The following NOD1 variants were observed in gnomAD, a reference collection of about 807,000 sequenced individuals.
NOD1 encodes nucleotide binding oligomerization domain containing 1, also known as nucleotide-binding oligomerization domain-containing protein 1.
A neutral mutation model predicts 81.2 loss-of-function variants in NOD1; 70 were observed. The observed-to-expected ratio is 0.86, with a 90% CI of 0.71 to 1.05. The LOEUF is 1.05. NOD1 is among the 50% of genes least tolerant of loss of function. The probability of loss-of-function intolerance (pLI) is 0.00; values close to 1 mark genes in which losing one functional copy is unlikely to be tolerated. For missense variants in NOD1, 1,233 were observed against 1,228.0 expected (o/e 1.00, Z -0.06); for synonymous variants, 508 against 526.9 (o/e 0.96, Z 0.49).
intron 13 of NOD1, 59 bp from the exon 14 acceptor site, chr7:30,425,769 T>C (rs1223917714): frequency 8.6e-7 from 1 of 1,161,074 alleles, no homozygotes; most frequent in African/African-American, 1.5e-5. Flanking sequence ...CCTCGCACAC[T>C]CCTTCCCAAG....
chr7:30,449,921 GGCGGCTCAT>G (rs1347653336), intron 6 of NOD1, among the ~76,000 whole-genome samples: 3 of 152,228 alleles, frequency 2.0e-5, no homozygotes, highest in African/African-American at 7.2e-5. Flanking sequence ...GGTCGGGTGC[GGCGGCTCAT>G]GCCTGTAACC....
Position 30,451,971 on chromosome 7 carries a change from C to G in NOD1, c.1446G>C (p.Glu482Asp). Residue 482 changes from glutamate to aspartate, a missense_variant, in exon 6 of 14, where the codon GAG becomes GAC. Physicochemically the swap from Glu to Asp is conservative, Grantham distance 45. Coordinates refer to ENST00000222823, the MANE Select transcript of NOD1 (RefSeq NM_006092.4). The surrounding 1 kb of genome is among the most constrained non-coding windows in gnomAD (Gnocchi z 4.2). Reference sequence around the variant, plus strand: ...TCTCCTGCAGCCCGGAGGCCTGCACCTCCTCCTGGGTGAAGACAAAGAGGC... The same window carrying G: ...TCTCCTGCAGCCCGGAGGCCTGCACGTCCTCCTGGGTGAAGACAAAGAGGC... ...EKSLFVFTQE[E>D]VQASGLQERD... 1 of 1,613,578 alleles carries G rather than the reference C, an allele frequency of 6.2e-7. No individual in the cohort carries two copies. Among genetic ancestry groups the G allele is most frequent in the South Asian group, 1.1e-5 (1 of 91,086 alleles).
At position 30,452,886 on chromosome 7, in the gene NOD1, C is replaced by A; in HGVS notation, c.531G>T (p.Leu177=). The change falls in exon 6 of 14, where the codon CTG becomes CTT. Residue 177 remains leucine (L), a synonymous_variant. Coordinates refer to ENST00000222823, the MANE Select transcript of NOD1 (RefSeq NM_006092.4). ...GGTCCAGGAGGCAGGCCAGGCTGTT[C>A]AGGCTGCCCAGGCTCTCATTGCTGA... The part of the protein sequence containing the change: ...VGFSNESLGS[L]NSLACLLDHT... 1 of 1,614,072 alleles carries A rather than the reference C, an allele frequency of 6.2e-7. No homozygotes were observed. Among genetic ancestry groups the A allele is most frequent in the African/African-American group, 1.3e-5 (1 of 75,042 alleles).
intron 1 of NOD1, among the ~76,000 whole-genome samples, chr7:30,462,513 G>A (rs1422950946): frequency 1.3e-5 from 2 of 151,434 alleles, no homozygotes; most frequent in African/African-American, 4.9e-5. Flanking sequence ...CTCACACAGA[G>A]GACAACTGCT....
chr7:30,453,080 G>T (rs747114896), intron 5 of NOD1, 40 bp from the exon 6 acceptor site: 2 of 1,562,234 alleles, frequency 1.3e-6, no homozygotes, highest in Non-Finnish European at 8.7e-7. Context: ...GCAGGGTGAG[G>T]AGAGAGGCAG....
chr7:30,445,496 C>T (rs952567474), intron 9 of NOD1, among the ~76,000 whole-genome samples: 7 of 151,972 alleles, frequency 4.6e-5, no homozygotes, highest in East Asian at 3.9e-4. Context: ...CGGTGGCTCA[C>T]GCCTATAATC....
chr7:30,435,170 A>G (rs1241638509), intron 11 of NOD1, among the ~76,000 whole-genome samples: 2 of 152,220 alleles, frequency 1.3e-5, no homozygotes, highest in Non-Finnish European at 2.9e-5. Context: ...AAACACTCTC[A>G]GGAGGCCACA....
At chr7:30,429,637 G>A (rs1783771522) in intron 12 of NOD1, among the ~76,000 whole-genome samples, 180 bp from the exon 13 acceptor site, 1 of 152,166 alleles carries the variant, frequency 6.6e-6, no homozygotes, top group African/African-American at 2.4e-5. Flanking sequence ...GTAAAGGATA[G>A]CTTGATATTT....
intron 12 of NOD1, 36 bp from the exon 13 acceptor site, chr7:30,429,493 T>C: frequency 6.3e-7 from 1 of 1,582,258 alleles, no homozygotes; most frequent in East Asian, 2.2e-5. Flanking sequence ...AAATCCATAA[T>C]ACTGGATCAA....
At chr7:30,456,348 C>T (rs535838117) in intron 4 of NOD1, among the ~76,000 whole-genome samples, 4 of 152,332 alleles carry the variant, frequency 2.6e-5, no homozygotes, top group South Asian at 2.1e-4. Flanking sequence ...GGTTCCCCTC[C>T]GAGTCTCACC....
rs1786745853 is a variant in NOD1, at chr7:30,459,240, TC to T, written c.-210-1del. 1.3e-5 allele frequency: 2 copies of T among 152,680 alleles called. No homozygotes were observed. Among genetic ancestry groups the T allele is most frequent in the South Asian group, 4.1e-4 (2 of 4,838 alleles). The allele number at this position is 152,680 out of a possible 1,614,324, so 9.5% of individuals were successfully genotyped here. ...TTCAATTTCCAATTTATTTCTGGAATCTGCAAAATCAAAGAAAGACTTAAAA... is the reference window on the plus strand; with the variant it reads ...TTCAATTTCCAATTTATTTCTGGAATTGCAAAATCAAAGAAAGACTTAAAA... On this transcript the variant is annotated splice_acceptor_variant, in intron 2 of 13. Coordinates refer to ENST00000222823, the MANE Select transcript of NOD1 (RefSeq NM_006092.4). LOFTEE classifies it low-confidence loss of function (5UTR_SPLICE).
intron 12 of NOD1, among the ~76,000 whole-genome samples, chr7:30,432,832 T>C (rs567269418): frequency 1.3e-4 from 20 of 151,910 alleles, no homozygotes; most frequent in Admixed American, 8.5e-4. Flanking sequence ...ATGCCCAGAG[T>C]AGGCAAATCC....
chr7:30,467,801 A>C lies in NOD1; in HGVS notation c.-351-7760T>G, dbSNP rs1379313787. Among the ~76,000 whole-genome samples the C allele has an allele frequency of 6.6e-6, 1 of 152,144 alleles. No individual in the cohort carries two copies. Among genetic ancestry groups the C allele is most frequent in the East Asian group, 1.9e-4 (1 of 5,186 alleles). ...ACTGCAACCTCCGCCTCATAGGTTC[A>C]AGTGATTCTCCTGCCTCAGCCTCCT... On this transcript the variant is annotated intron_variant, in intron 1 of 13. Transcript: ENST00000222823. The surrounding 1 kb of genome is among the most constrained non-coding windows in gnomAD (Gnocchi z 4.5).
chr7:30,429,180 T>C (rs1341455531), intron 13 of NOD1, among the ~76,000 whole-genome samples, 194 bp downstream of exon 13: 2 of 152,388 alleles, frequency 1.3e-5, no homozygotes, highest in Middle Eastern at 3.4e-3. Context: ...CTAGCTTCTC[T>C]CGTAGTGACC....
intron 1 of NOD1, among the ~76,000 whole-genome samples, chr7:30,474,447 T>A (rs1788568154): frequency 2.0e-5 from 3 of 152,370 alleles, no homozygotes; most frequent in African/African-American, 7.2e-5. Context: ...ACTGGTTTCA[T>A]GGAAGACAAT....
chr7:30,451,537 C>G lies in NOD1; in HGVS notation c.1880G>C (p.Ser627Thr), dbSNP rs1017946894. The G allele has an allele frequency of 8.1e-6, 13 of 1,612,996 alleles. No individual in the cohort carries two copies. In the African/African-American group the frequency reaches 1.2e-4, roughly 15 times the overall value. ...RKALWAHLFS[S>T]LRGYLKSLPR... ...CAGGCTCTTCAGGTAGCCCCGCAGGCTGGAAAACAGGTGTGCCCACAGGGC... is the reference window on the plus strand; with the variant it reads ...CAGGCTCTTCAGGTAGCCCCGCAGGGTGGAAAACAGGTGTGCCCACAGGGC... The change falls in exon 6 of 14, where the codon AGC (serine) becomes ACC (threonine). Residue 627 changes from serine to threonine, a missense_variant. Physicochemically the swap from Ser to Thr is moderately conservative, Grantham distance 58 (BLOSUM62 1). Transcript: ENST00000222823. The surrounding 1 kb of genome is among the most constrained non-coding windows in gnomAD (Gnocchi z 4.2).
chr7:30,439,622 C>A (rs1259912440), intron 9 of NOD1, among the ~76,000 whole-genome samples: 14 of 85,684 alleles, frequency 1.6e-4, no homozygotes, highest in Non-Finnish European at 2.8e-4. Flanking sequence ...CGGAATCTCG[C>A]TGATTGCTAG....
At chr7:30,432,842 CAT>C (rs1784060914) in intron 12 of NOD1, among the ~76,000 whole-genome samples, 1 of 152,074 alleles carries the variant, frequency 6.6e-6, no homozygotes, top group South Asian at 2.1e-4. Flanking sequence ...TAGGCAAATC[CAT>C]AGAGACAGAA....
At chr7:30,438,704 G>A (rs1175965968) in intron 9 of NOD1, among the ~76,000 whole-genome samples, 1 of 152,162 alleles carries the variant, frequency 6.6e-6, no homozygotes, top group East Asian at 1.9e-4. Context: ...CAATTGAATG[G>A]CATCACATTT....
Sources: gnomAD v4.1 joint callset for allele counts (sites outside exome capture counted in the v4.1 genomes callset) on GRCh38, gnomAD v4.1.1 for gene constraint, Gnocchi (gnomAD v3.1) non-coding constraint, MANE v1.5 for transcripts, NCBI Gene and HGNC (gene_info 2026-07-23, HGNC 2026-07-21) for gene names.